SCN3A: variants seen among roughly 807,000 people sequenced by gnomAD.
The protein encoded by SCN3A is sodium voltage-gated channel alpha subunit 3.
A neutral mutation model predicts 187.6 loss-of-function variants in SCN3A; 60 were observed. The ratio of observed to expected loss-of-function variants is 0.32; its 90% confidence interval spans 0.26 to 0.40. SCN3A has a LOEUF of 0.40. SCN3A is among the 10% of genes least tolerant of loss of function. The pLI is 1.00. For missense variants in SCN3A, 1,601 were observed against 2,428.2 expected, an observed-to-expected ratio of 0.66 and a Z score of 7.16; for synonymous variants, 788 against 829.2, an observed-to-expected ratio of 0.95 and a Z score of 0.85.
Position 165,154,484 on chromosome 2 carries a change from C to G in SCN3A, c.1348G>C (p.Glu450Gln), listed in dbSNP as rs777791237. 6 of 1,614,060 alleles carry G rather than the reference C, an allele frequency of 3.7e-6. No individual in the cohort carries two copies. The highest frequency in any genetic ancestry group is 5.1e-6 in the Non-Finnish European group (6 of 1,179,986). Residue 450 changes from glutamate to glutamine, a missense_variant, in exon 11 of 28, where the codon GAA becomes CAA. Around this residue, in one of 11 missense-constraint regions of SCN3A, gnomAD observed 376 missense variants for 476.0 expected, o/e 0.79. Coordinates refer to ENST00000283254, the MANE Select transcript of SCN3A (RefSeq NM_006922.4). ...TCTTCCTGTTGCTTTTTAAGCTGTT[C>G]GAGCATCTGCTGAAATTCGGCCTCT... ...QKEAEFQQML[E>Q]QLKKQQEEAQ...
At chr2:165,137,706 A>G (rs1276866103) in intron 15 of SCN3A, among the ~76,000 whole-genome samples, 173 bp downstream of exon 15, 1 of 152,194 alleles carries the variant, frequency 6.6e-6, no homozygotes, top group Admixed American at 6.6e-5. Context: ...CATTCATACC[A>G]GTTGAGTTTT....
chr2:165,102,699 T>G (rs1432717680), intron 21 of SCN3A, among the ~76,000 whole-genome samples: 1 of 152,142 alleles, frequency 6.6e-6, no homozygotes, highest in Non-Finnish European at 1.5e-5. Flanking sequence ...ATGGACCTCA[T>G]GGCCCAGAGG....
intron 18 of SCN3A, among the ~76,000 whole-genome samples, chr2:165,121,058 G>A (rs1387817176): frequency 6.7e-6 from 1 of 149,864 alleles, no homozygotes; most frequent in African/African-American, 2.4e-5. Flanking sequence ...GTCTGAACCA[G>A]CTTTAATTTT....
At chr2:165,147,103 C>A in intron 11 of SCN3A, 74 bp from the exon 12 acceptor site, 1 of 1,534,322 alleles carries the variant, frequency 6.5e-7, no homozygotes, top group Non-Finnish European at 8.9e-7. Context: ...TAAAATATTG[C>A]CATTTAAGAC....
In SCN3A at chr2:165,130,316, T is replaced by C. The variant is rs2105773156; in HGVS notation, c.2566-20A>G. 6.2e-7 allele frequency: 1 copy of C among 1,607,722 alleles called. No individual in the cohort carries two copies. Among genetic ancestry groups the C allele is most frequent in the Non-Finnish European group, 8.5e-7 (1 of 1,174,224 alleles). On this transcript the variant is annotated intron_variant, in intron 16 of 27. Coordinates refer to ENST00000283254, the MANE Select transcript of SCN3A (RefSeq NM_006922.4). ...TCTAAGCTGTAATCAAGTGAAAAGA[T>C]GCTGTTAGTAGTAATCATAATATAA...
chr2:165,129,115 G>A lies in SCN3A; in HGVS notation c.2922+825C>T, dbSNP rs529004165. On this transcript the variant is annotated intron_variant, in intron 17 of 27. Coordinates refer to ENST00000283254, the MANE Select transcript of SCN3A (RefSeq NM_006922.4). The stretch of plus-strand genomic sequence containing the variant: ...TTCTGGAGAAAAAAATTACATGTTC[G>A]TAGGTATCCCAGTAGCATTCTTTTG... 4.6e-5 allele frequency among the ~76,000 whole-genome samples: 7 copies of A among 152,194 alleles called. No homozygotes were observed. The South Asian group carries it at 8.3e-4, about 18-fold the overall frequency.
chr2:165,170,275 T>A (rs1403872687), intron 4 of SCN3A, among the ~76,000 whole-genome samples, 155 bp downstream of exon 4: 1 of 151,978 alleles, frequency 6.6e-6, no homozygotes, highest in East Asian at 1.9e-4. Flanking sequence ...ACTCTCATTA[T>A]AAATAGTGGA....
At chr2:165,176,103 T>C (rs1031686335) in intron 3 of SCN3A, 28 bp downstream of exon 3, 2 of 1,605,898 alleles carry the variant, frequency 1.2e-6, no homozygotes, top group Non-Finnish European at 8.5e-7. Context: ...CATTAAAGAT[T>C]TATTAGAAGT....
chr2:165,164,466 T>G lies in SCN3A; in HGVS notation c.528A>C (p.Arg176Ser). 6.2e-7 allele frequency: 1 copy of G among 1,613,772 alleles called. No individual in the cohort carries two copies. Among genetic ancestry groups the G allele is most frequent in the Non-Finnish European group, 8.5e-7 (1 of 1,179,794 alleles). The change falls in exon 6 of 28, where the codon AGA becomes AGC. Residue 176 changes from arginine to serine, a missense_variant. Transcript: ENST00000283254. ...TFESLIKILARGFCLEDFTFL... is the reference protein window; with the variant it reads ...TFESLIKILASGFCLEDFTFL... ...ACGTAAAATCTTCTAAGCAAAACCC[T>G]CTTGCCAAGATTTTTATAAGTGACT... is the stretch of plus-strand genomic sequence containing the variant.
At chr2:165,120,829 C>T (rs1410101958) in intron 18 of SCN3A, among the ~76,000 whole-genome samples, 4 of 146,296 alleles carry the variant, frequency 2.7e-5, no homozygotes, top group Admixed American at 6.9e-5. Context: ...GATCACTTAT[C>T]GAAAGATTAA....
chr2:165,092,330 G>A lies in SCN3A; in HGVS notation c.4731C>T (p.Leu1577=), dbSNP rs749278876. The change falls in exon 27 of 28, where the codon CTC becomes CTT. Residue 1577 remains leucine (L), a synonymous_variant. Transcript: ENST00000283254. The surrounding 1 kb of genome is among the most constrained non-coding windows in gnomAD (Gnocchi z 4.2). ...TGAAGTAGTAGTGTCTGAGGGAGAC[G>A]AGCTTCAGCACAAATTCTCCAGTGA... ...VLFTGEFVLK[L]VSLRHYYFTI... The A allele has an allele frequency of 3.2e-5, 51 of 1,613,802 alleles. No individual in the cohort carries two copies. The highest frequency in any genetic ancestry group is 2.2e-4 in the East Asian group (10 of 44,878).
chr2:165,104,340 G>C (rs1685747181), intron 21 of SCN3A, among the ~76,000 whole-genome samples: 1 of 151,904 alleles, frequency 6.6e-6, no homozygotes, highest in Admixed American at 6.6e-5. Flanking sequence ...TGGATACTGA[G>C]ATTTAGCACA....
Position 165,130,007 on chromosome 2 carries a change from A to G in SCN3A, c.2855T>C (p.Met952Thr), listed in dbSNP as rs2105771814. The change falls in exon 17 of 28, where the codon ATG becomes ACG. Residue 952 changes from methionine (M) to threonine (T), a missense_variant. Met to Thr is a moderately conservative substitution (Grantham distance 81, BLOSUM62 -1). Coordinates refer to ENST00000283254, the MANE Select transcript of SCN3A (RefSeq NM_006922.4). ...GEWIETMWDC[M>T]EVAGQTMCLI... ...GCACATGGTTTGGCCAGCGACCTCCATACAGTCCCACATGGTCTCTATCCA... is the reference window on the plus strand; with the variant it reads ...GCACATGGTTTGGCCAGCGACCTCCGTACAGTCCCACATGGTCTCTATCCA... 1 of 1,614,170 alleles carries G rather than the reference A, an allele frequency of 6.2e-7. No homozygotes were observed. The highest frequency in any genetic ancestry group is 8.5e-7 in the Non-Finnish European group (1 of 1,180,038).
chr2:165,159,689 C>G (rs1442945467), intron 9 of SCN3A, among the ~76,000 whole-genome samples: 1 of 125,054 alleles, frequency 8.0e-6, no homozygotes. Context: ...TTTTTTAAAT[C>G]AGATATGTGC....
intron 15 of SCN3A, among the ~76,000 whole-genome samples, chr2:165,132,155 T>G (rs1687369786): frequency 6.6e-6 from 1 of 152,158 alleles, no homozygotes; most frequent in Non-Finnish European, 1.5e-5. Flanking sequence ...GGAAGAACAT[T>G]CGATGTTCAT....
chr2:165,142,907 A>G (rs1340479046), intron 12 of SCN3A, among the ~76,000 whole-genome samples: 2 of 151,974 alleles, frequency 1.3e-5, no homozygotes, highest in African/African-American at 2.4e-5. Flanking sequence ...GCCCGCCACC[A>G]CACCTGGCTA....
At position 165,137,894 on chromosome 2, in the gene SCN3A, C is replaced by G. The variant is rs1279457677; in HGVS notation, c.2376G>C (p.Leu792Phe). ...ATGTACTTACCAGGTTTCCTACAGT[C>G]AACACACTACTGAATTGCTCAGTCA... ...YPMTEQFSSV[L>F]TVGNLVFTGI... The change falls in exon 15 of 28, where the codon TTG (leucine) becomes TTC (phenylalanine). Residue 792 changes from leucine to phenylalanine, a missense_variant. Around this residue, in one of 11 missense-constraint regions of SCN3A, gnomAD observed 376 missense variants for 476.0 expected, o/e 0.79. Transcript: ENST00000283254. 6.2e-7 allele frequency: 1 copy of G among 1,611,736 alleles called. No individual in the cohort carries two copies. Among genetic ancestry groups the G allele is most frequent in the African/African-American group, 1.3e-5 (1 of 74,846 alleles).
chr2:165,136,211 G>C (rs1687649570), intron 15 of SCN3A, among the ~76,000 whole-genome samples: 1 of 151,962 alleles, frequency 6.6e-6, no homozygotes. Context: ...CTCTTATCCT[G>C]TGTTTCCATA....
At chr2:165,191,599 C>T (rs1201362145) in intron 1 of SCN3A, among the ~76,000 whole-genome samples, 1 of 152,008 alleles carries the variant, frequency 6.6e-6, no homozygotes, top group African/African-American at 2.4e-5. Flanking sequence ...ACTAACTCTT[C>T]TATCTCCTTC....
Sources: allele counts gnomAD v4.1 joint callset (sites outside exome capture counted in the v4.1 genomes callset), GRCh38; gene constraint gnomAD v4.1.1; regional missense constraint gnomAD v4.1.1; non-coding constraint Gnocchi (gnomAD v3.1); transcripts MANE v1.5; gene names NCBI Gene and HGNC (gene_info 2026-07-23, HGNC 2026-07-21).